ADARB2: variants seen among roughly 807,000 people sequenced by gnomAD.
The protein encoded by ADARB2 is adenosine deaminase RNA specific B2 (inactive).
In ADARB2, 25 loss-of-function variants were observed where a neutral mutation model predicts 62.2. The observed-to-expected ratio is 0.40, with a 90% CI of 0.29 to 0.56. The LOEUF (loss-of-function observed/expected upper bound fraction) is 0.56, where lower values mean the gene tolerates loss of function less well. ADARB2 is among the 20% of genes least tolerant of loss of function. The pLI is 0.43. For missense variants in ADARB2, 1,071 were observed against 1,077.4 expected, an observed-to-expected ratio of 0.99 and a Z score of 0.08; for synonymous variants, 572 against 500.8, an observed-to-expected ratio of 1.14 and a Z score of -1.90.
At chr10:1,302,439 C>G (rs1043813185) in intron 3 of ADARB2, among the ~76,000 whole-genome samples, 1 of 152,326 alleles carries the variant, frequency 6.6e-6, no homozygotes, top group East Asian at 1.9e-4. Flanking sequence ...AAGGCGGCAG[C>G]GAGCCTGGGG....
chr10:1,285,502 G>A (rs1564246423), intron 3 of ADARB2, among the ~76,000 whole-genome samples: 1 of 152,226 alleles, frequency 6.6e-6, no homozygotes, highest in Non-Finnish European at 1.5e-5. Flanking sequence ...ACCAGCAATG[G>A]TCAGAGGAGA....
chr10:1,371,764 GA>G (rs77011382), intron 2 of ADARB2, among the ~76,000 whole-genome samples: 21,599 of 132,190 alleles, frequency 0.16, 2,180 homozygotes, highest in East Asian at 0.49. Context: ...ACCCCAGTCA[GA>G]ATGGCTATTA....
intron 1 of ADARB2, among the ~76,000 whole-genome samples, chr10:1,571,284 A>C (rs959669993): frequency 6.7e-6 from 1 of 149,158 alleles, no homozygotes; most frequent in East Asian, 1.9e-4. Flanking sequence ...ATCTATTTTT[A>C]CTTTTTTTTT....
At chr10:1,615,474 G>A (rs552118277) in intron 1 of ADARB2, among the ~76,000 whole-genome samples, 11 of 152,310 alleles carry the variant, frequency 7.2e-5, no homozygotes, top group African/African-American at 2.2e-4. Flanking sequence ...GATGTGTCAG[G>A]GTGCACAGCT....
intron 1 of ADARB2, 34 bp downstream of exon 1, chr10:1,737,017 G>T (rs745761890): frequency 1.2e-6 from 2 of 1,604,212 alleles, no homozygotes; most frequent in Admixed American, 1.7e-5. Context: ...GGGGGTGAAG[G>T]GGGGCAGGGG....
intron 3 of ADARB2, among the ~76,000 whole-genome samples, chr10:1,354,677 C>T (rs1401369404): frequency 2.0e-5 from 3 of 152,232 alleles, no homozygotes; most frequent in Non-Finnish European, 4.4e-5. Context: ...GGGAAGGTGG[C>T]ACCCCATGTG....
chr10:1,652,156 G>A (rs1459704311), intron 1 of ADARB2, among the ~76,000 whole-genome samples: 2 of 152,194 alleles, frequency 1.3e-5, no homozygotes, highest in African/African-American at 4.8e-5. Flanking sequence ...AGCAAAGCGG[G>A]TCTGTCCCCT....
rs75511980 is a variant in ADARB2, at chr10:1,208,604, A to G, written c.1682+8347T>C. On this transcript the variant is annotated intron_variant, in intron 7 of 9. Transcript: ENST00000381312. Reference sequence around the variant, plus strand: ...AGGTGCCTCAGGGACATGGGACTCTAGAGCGTCCTCTCATGGCCTGGACCC... The same window carrying G: ...AGGTGCCTCAGGGACATGGGACTCTGGAGCGTCCTCTCATGGCCTGGACCC... 9.4e-3 allele frequency among the ~76,000 whole-genome samples: 1,435 copies of G among 152,348 alleles called. 10 individuals carry two copies. The highest frequency in any genetic ancestry group is 0.015 in the Non-Finnish European group (1,028 of 68,018).
At chr10:1,701,689 T>G (rs9663365) in intron 1 of ADARB2, among the ~76,000 whole-genome samples, 70 of 40,836 alleles carry the variant, frequency 1.7e-3, no homozygotes, top group African/African-American at 6.1e-3. Flanking sequence ...GTCAATACAC[T>G]CAATCCCACT....
chr10:1,369,505 C>T (rs1416372239), intron 2 of ADARB2, among the ~76,000 whole-genome samples: 1 of 152,150 alleles, frequency 6.6e-6, no homozygotes, highest in Non-Finnish European at 1.5e-5. Context: ...TGGGTGTTCC[C>T]GCTGGCCAGC....
chr10:1,453,398 T>C (rs1266143517), intron 1 of ADARB2, among the ~76,000 whole-genome samples: 1 of 152,248 alleles, frequency 6.6e-6, no homozygotes, highest in Non-Finnish European at 1.5e-5. Flanking sequence ...TTTTAGCTCT[T>C]ACATTTAGAT....
rs111544110 is a variant in ADARB2 at position 1,205,161 on chromosome 10, G to T, written c.1683-5014C>A. ...CCCCAGCTGATCTGCCAGGAAAGGG[G>T]TCCCTGCTGCCCGGGGGCTGCCTCG... On this transcript the variant is annotated intron_variant, in intron 7 of 9. Coordinates refer to ENST00000381312, the MANE Select transcript of ADARB2 (RefSeq NM_018702.4). 4.1e-3 allele frequency among the ~76,000 whole-genome samples: 628 copies of T among 152,340 alleles called. 4 individuals are homozygous for T. Among genetic ancestry groups the T allele is most frequent in the African/African-American group, 0.013 (553 of 41,576 alleles).
At chr10:1,218,950 T>A (rs757630112) in intron 6 of ADARB2, among the ~76,000 whole-genome samples, 4 of 148,496 alleles carry the variant, frequency 2.7e-5, no homozygotes, top group Non-Finnish European at 5.9e-5. Flanking sequence ...CTCGGGAGGC[T>A]GAGGCAGGAG....
At chr10:1,307,375 A>G (rs1369295847) in intron 3 of ADARB2, among the ~76,000 whole-genome samples, 2 of 140,716 alleles carry the variant, frequency 1.4e-5, no homozygotes, top group African/African-American at 5.1e-5. Flanking sequence ...CAAAGCCACA[A>G]TGAGATACCA....
At chr10:1,695,818 TTG>T (rs1265101568) in intron 1 of ADARB2, among the ~76,000 whole-genome samples, 3 of 151,368 alleles carry the variant, frequency 2.0e-5, no homozygotes, top group South Asian at 2.1e-4. Flanking sequence ...GTACATGTGT[TTG>T]TGAGAGTGCA....
intron 1 of ADARB2, among the ~76,000 whole-genome samples, chr10:1,640,184 G>C (rs565018155): frequency 6.6e-5 from 10 of 152,314 alleles, no homozygotes; most frequent in Admixed American, 2.0e-4. Flanking sequence ...CAGTTTGTTA[G>C]AGATTGTACC....
intron 1 of ADARB2, among the ~76,000 whole-genome samples, chr10:1,541,185 TCACAG>T (rs1160237369): frequency 1.7e-5 from 1 of 58,956 alleles, no homozygotes; most frequent in African/African-American, 7.0e-5. Context: ...AGACCCTGGA[TCACAG>T]CCGCCCAGAC....
intron 3 of ADARB2, among the ~76,000 whole-genome samples, chr10:1,313,529 C>G (rs1831710981): frequency 6.6e-6 from 1 of 152,118 alleles, no homozygotes; most frequent in Admixed American, 6.5e-5. Context: ...GACAAGAGTC[C>G]CTGCTCACAG....
At chr10:1,326,148 G>A (rs185370738) in intron 3 of ADARB2, among the ~76,000 whole-genome samples, 1 of 152,174 alleles carries the variant, frequency 6.6e-6, no homozygotes, top group Non-Finnish European at 1.5e-5. Context: ...ACCCATTTTG[G>A]TGTCTTGTCC....
Sources: allele counts gnomAD v4.1 joint callset (sites outside exome capture counted in the v4.1 genomes callset), GRCh38; gene constraint gnomAD v4.1.1; transcripts MANE v1.5; gene names NCBI Gene and HGNC (gene_info 2026-07-23, HGNC 2026-07-21).